Variants in CD300LD observed in about 807,000 individuals in gnomAD.
CD300LD encodes CD300 molecule like family member d.
In CD300LD, 18 loss-of-function variants were observed where a neutral mutation model predicts 20.3. The ratio of observed to expected loss-of-function variants is 0.89; its 90% confidence interval spans 0.61 to 1.32. The LOEUF is 1.32. Ranked by LOEUF, CD300LD falls within the 40% of genes most tolerant of loss-of-function variation. CD300LD has a pLI of 0.00. For missense variants in CD300LD, 195 were observed against 226.6 expected (o/e 0.86, Z 0.90); for synonymous variants, 104 against 90.1 (o/e 1.15, Z -0.87).
intron 2 of CD300LD, among the ~76,000 whole-genome samples, chr17:74,586,267 C>T (rs57762819): frequency 2.0e-4 from 30 of 152,248 alleles, no homozygotes; most frequent in African/African-American, 6.0e-4. Flanking sequence ...CAAGCAATGG[C>T]TAATTTAGTA....
At position 74,588,779 on chromosome 17, in the gene CD300LD, C is replaced by T. The variant is rs2143293880; in HGVS notation, c.111G>A (p.Val37=). 1.9e-6 allele frequency: 3 copies of T among 1,614,202 alleles called. No homozygotes were observed. Among genetic ancestry groups the T allele is most frequent in the Non-Finnish European group, 2.5e-6 (3 of 1,180,028 alleles). ...CCCAGCCTGAGCCATAAGCACACTG[C>T]ACAGTCAATGAGCCCTGCTCCGAGC... The part of the protein sequence containing the change: ...VNGSEQGSLT[V]QCAYGSGWET... The change falls in exon 2 of 4, where the codon GTG becomes GTA. Residue 37 remains valine, a synonymous_variant. Coordinates refer to ENST00000375352, the MANE Select transcript of CD300LD (RefSeq NM_001115152.2).
intron 2 of CD300LD, among the ~76,000 whole-genome samples, chr17:74,585,832 C>A (rs555707794): frequency 3.0e-4 from 46 of 152,204 alleles, no homozygotes; most frequent in African/African-American, 1.1e-3. Context: ...GTGTGCAGAC[C>A]AGGCTAGACA....
intron 2 of CD300LD, among the ~76,000 whole-genome samples, chr17:74,586,872 G>T (rs1417321463): frequency 6.6e-6 from 1 of 152,158 alleles, no homozygotes; most frequent in Non-Finnish European, 1.5e-5. Context: ...TTGGGTTTTT[G>T]AACCAGGAGA....
chr17:74,590,551 C>T (rs771230456), intron 1 of CD300LD: 1 of 151,970 alleles, frequency 6.6e-6, no homozygotes, highest in Non-Finnish European at 1.5e-5. Context: ...GACAATTTCA[C>T]CATAAACAGG....
At chr17:74,582,154 CCT>C in intron 3 of CD300LD, 62 bp downstream of exon 3, 1 of 1,323,896 alleles carries the variant, frequency 7.6e-7, no homozygotes, top group South Asian at 1.3e-5. Flanking sequence ...TCTGGCAACC[CCT>C]GTTAGAGGAG....
chr17:74,580,080 C>T lies in CD300LD; in HGVS notation c.507G>A (p.Leu169=), dbSNP rs763460491. Residue 169 remains leucine (L), a synonymous_variant, in exon 4 of 4, where the codon CTG becomes CTA. Coordinates refer to ENST00000375352, the MANE Select transcript of CD300LD (RefSeq NM_001115152.2). The part of the protein sequence containing the change: ...SPLKSTHFLF[L]FLLELPLLLS... The stretch of plus-strand genomic sequence containing the variant: ...GGAGCAGAGGCAGCTCCAGGAGGAA[C>T]AGGAACAGGAAGTGGGTGCTCTTGA... The T allele has an allele frequency of 6.2e-6, 10 of 1,612,946 alleles. No homozygotes were observed. In the East Asian group the frequency reaches 8.9e-5, roughly 14 times the overall value.
In CD300LD at chr17:74,588,715, T is replaced by C. The variant is rs1757595628; in HGVS notation, c.175A>G (p.Asn59Asp). The change falls in exon 2 of 4, where the codon AAT becomes GAT. Residue 59 changes from asparagine (N) to aspartate (D), a missense_variant. Asn to Asp is a conservative substitution (Grantham distance 23). Coordinates refer to ENST00000375352, the MANE Select transcript of CD300LD (RefSeq NM_001115152.2). ...LKWRCQGADW[N>D]YCNILVKTNG... The stretch of plus-strand genomic sequence containing the variant: ...GTTTTAACAAGGATGTTACAGTAAT[T>C]CCAATCAGCTCCTTGACACCGCCAC... 1 of 1,614,034 alleles carries C rather than the reference T, an allele frequency of 6.2e-7. No individual in the cohort carries two copies. Among genetic ancestry groups the C allele is most frequent in the Admixed American group, 1.7e-5 (1 of 60,002 alleles).
downstream of CD300LD, among the ~76,000 whole-genome samples, chr17:74,578,843 G>T (rs1056294584): frequency 6.6e-6 from 1 of 152,092 alleles, no homozygotes; most frequent in African/African-American, 2.4e-5. Flanking sequence ...TCAGTCATTA[G>T]AGTCCAAGAC....
chr17:74,592,113 C>G lies in CD300LD; in HGVS notation c.40+50G>C, dbSNP rs147248185. ...TCCTGAGAACAGAGCGTCTCTGTCTCCAAGCCAGCCGCTGTCATTCCAGTG... is the reference window on the plus strand; with the variant it reads ...TCCTGAGAACAGAGCGTCTCTGTCTGCAAGCCAGCCGCTGTCATTCCAGTG... On this transcript the variant is annotated intron_variant, in intron 1 of 3. Coordinates refer to ENST00000375352, the MANE Select transcript of CD300LD (RefSeq NM_001115152.2). 639 of 1,614,152 alleles carry G rather than the reference C, an allele frequency of 4.0e-4. 4 individuals carry two copies. Among genetic ancestry groups the G allele is most frequent in the Middle Eastern group, 1.3e-3 (8 of 6,062 alleles).
intron 2 of CD300LD, among the ~76,000 whole-genome samples, chr17:74,585,617 A>G (rs1255438801): frequency 2.0e-5 from 3 of 152,220 alleles, no homozygotes; most frequent in Non-Finnish European, 2.9e-5. Flanking sequence ...CAGTTTATTC[A>G]TGAACACACC....
Position 74,582,874 on chromosome 17 carries a change from G to A in CD300LD, c.380-563C>T, listed in dbSNP as rs572405336. 5.3e-5 allele frequency among the ~76,000 whole-genome samples: 8 copies of A among 152,248 alleles called. No individual in the cohort carries two copies. In the South Asian group the frequency reaches 1.5e-3, roughly 28 times the overall value. ...CCTCTGCTGTGTGCCAATTCCTGCT[G>A]GACCACACCCTACTCACGCTGACGG... is the stretch of plus-strand genomic sequence containing the variant. On this transcript the variant is annotated intron_variant, in intron 2 of 3. Transcript: ENST00000375352.
At chr17:74,584,843 T>C (rs1260688767) in intron 2 of CD300LD, 1 of 154,252 alleles carries the variant, frequency 6.5e-6, no homozygotes, top group Non-Finnish European at 1.5e-5. Flanking sequence ...GAAGGTCTGC[T>C]GGAGCAGAGA....
downstream of CD300LD, among the ~76,000 whole-genome samples, chr17:74,578,864 C>A (rs1275794681): frequency 1.3e-5 from 2 of 152,226 alleles, no homozygotes; most frequent in Non-Finnish European, 2.9e-5. Context: ...TGAGCACCAC[C>A]CTGGGGACCC....
At chr17:74,582,558 A>AGC (rs1263724650) in intron 2 of CD300LD, among the ~76,000 whole-genome samples, 1 of 152,250 alleles carries the variant, frequency 6.6e-6, no homozygotes, top group Non-Finnish European at 1.5e-5. Context: ...GGCACAGCTT[A>AGC]GCACACTCGA....
chr17:74,585,202 G>A (rs1304177912), intron 2 of CD300LD, among the ~76,000 whole-genome samples: 1 of 152,200 alleles, frequency 6.6e-6, no homozygotes, highest in Non-Finnish European at 1.5e-5. Flanking sequence ...CAGTCTTGAT[G>A]TAGAAATTTG....
chr17:74,591,097 T>C (rs917631443), intron 1 of CD300LD, among the ~76,000 whole-genome samples: 3 of 151,476 alleles, frequency 2.0e-5, no homozygotes, highest in Non-Finnish European at 4.4e-5. Context: ...GGAAGGAGAA[T>C]ATATCTGAAA....
At chr17:74,582,176 G>A in intron 3 of CD300LD, 42 bp downstream of exon 3, 1 of 1,549,316 alleles carries the variant, frequency 6.5e-7, no homozygotes. Context: ...GAGGCCATGG[G>A]GCCAGGCCTG....
intron 1 of CD300LD, 30 bp downstream of exon 1, chr17:74,592,133 C>A (rs1444491714): frequency 6.2e-7 from 1 of 1,614,056 alleles, no homozygotes; most frequent in East Asian, 2.2e-5. Flanking sequence ...CGCTGTCATT[C>A]CAGTGCCTTA....
rs2030329118 is a variant in CD300LD at position 74,591,927 on chromosome 17, C to T, written c.40+236G>A. On this transcript the variant is annotated intron_variant, in intron 1 of 3. Coordinates refer to ENST00000375352, the MANE Select transcript of CD300LD (RefSeq NM_001115152.2). The stretch of plus-strand genomic sequence containing the variant: ...TATATGGAACAGTCAGGGTTGAGAA[C>T]CACTGTTCCAACAAGAAGCTATACT... 3.4e-6 allele frequency: 4 copies of T among 1,187,708 alleles called. No individual in the cohort carries two copies. The Admixed American group carries it at 7.1e-5, about 21-fold the overall frequency. 73.6% of individuals were successfully genotyped at this position (1,187,708 alleles called of 1,614,324 possible).
Sources: gnomAD v4.1 joint callset for allele counts (sites outside exome capture counted in the v4.1 genomes callset) on GRCh38, gnomAD v4.1.1 for gene constraint, MANE v1.5 for transcripts, NCBI Gene and HGNC (gene_info 2026-07-23, HGNC 2026-07-21) for gene names.